Variants in SPTLC1 observed in about 807,000 individuals in gnomAD.
SPTLC1 encodes the protein serine palmitoyltransferase 1.
In SPTLC1, 55 loss-of-function variants were observed where a neutral mutation model predicts 68.9. The ratio of observed to expected loss-of-function variants is 0.80; its 90% confidence interval spans 0.64 to 1.00. The LOEUF is 1.00. SPTLC1 is among the 50% of genes least tolerant of loss of function. The pLI, the probability that SPTLC1 is intolerant of heterozygous loss-of-function variation, is 0.00. For missense variants in SPTLC1, 449 were observed against 573.1 expected, an observed-to-expected ratio of 0.78 and a Z score of 2.21; for synonymous variants, 197 against 201.6, an observed-to-expected ratio of 0.98 and a Z score of 0.19.
chr9:92,114,976 T>TGTGTA, intron 1 of SPTLC1: 2 of 418,060 alleles, frequency 4.8e-6, no homozygotes, highest in South Asian at 2.5e-5. Flanking sequence ...GGTGTTCCAC[T>TGTGTA]CATTTTCACC....
chr9:92,092,608 A>G (rs137860831), intron 3 of SPTLC1, among the ~76,000 whole-genome samples: 342 of 152,148 alleles, frequency 2.2e-3, no homozygotes, highest in African/African-American at 7.8e-3. Context: ...GGTGGCACAC[A>G]CCTGTAGTTC....
chr9:92,055,935 T>C (rs2118512750), intron 7 of SPTLC1, among the ~76,000 whole-genome samples: 1 of 152,286 alleles, frequency 6.6e-6, no homozygotes, highest in African/African-American at 2.4e-5. Flanking sequence ...AAAACAACTA[T>C]AATGAAGGTC....
intron 3 of SPTLC1, among the ~76,000 whole-genome samples, chr9:92,098,931 A>G (rs1468011369): frequency 6.6e-6 from 1 of 152,190 alleles, no homozygotes; most frequent in Admixed American, 6.5e-5. Flanking sequence ...TAACGTGTGA[A>G]CATTCTGAAT....
chr9:92,063,582 T>C (rs1486870160), intron 6 of SPTLC1, among the ~76,000 whole-genome samples: 4 of 152,068 alleles, frequency 2.6e-5, no homozygotes, highest in Non-Finnish European at 5.9e-5. Flanking sequence ...ATCTCCCTCA[T>C]GAACACAGAT....
At chr9:92,059,049 T>C in intron 7 of SPTLC1, 130 bp downstream of exon 7, 1 of 1,087,244 alleles carries the variant, frequency 9.2e-7, no homozygotes, top group Non-Finnish European at 1.3e-6. Context: ...GTACATTTAA[T>C]AAGCAGGAAC....
chr9:92,091,901 TG>T (rs1276800524), intron 3 of SPTLC1, among the ~76,000 whole-genome samples: 1 of 151,956 alleles, frequency 6.6e-6, no homozygotes, highest in Admixed American at 6.5e-5. Flanking sequence ...ATCAGACAAA[TG>T]GACTTTAAGG....
chr9:92,094,346 T>C (rs1010975860), intron 3 of SPTLC1, among the ~76,000 whole-genome samples: 11 of 152,258 alleles, frequency 7.2e-5, no homozygotes, highest in Admixed American at 2.0e-4. Context: ...TTTCTTGTCA[T>C]GTGCAGCTTT....
Position 92,052,531 on chromosome 9 carries a change from A to AT in SPTLC1, c.781-2465dup, listed in dbSNP as rs753353281. 4.5e-3 allele frequency among the ~76,000 whole-genome samples: 672 copies of AT among 150,810 alleles called. 2 individuals are homozygous for AT. The highest frequency in any genetic ancestry group is 0.021 in the Middle Eastern group (6 of 292). ...TTTGGATTAAACAAAGATTATTATTATTATTTTTTTTTTTTTGAGACAGAG... is the reference window on the plus strand; with the variant it reads ...TTTGGATTAAACAAAGATTATTATTATTTATTTTTTTTTTTTTGAGACAGAG... On this transcript the variant is annotated intron_variant, in intron 8 of 14. Coordinates refer to ENST00000262554, the MANE Select transcript of SPTLC1 (RefSeq NM_006415.4).
At chr9:92,036,504 T>G (rs1470614199) in intron 13 of SPTLC1, among the ~76,000 whole-genome samples, 4 of 152,258 alleles carry the variant, frequency 2.6e-5, no homozygotes, top group African/African-American at 7.2e-5. Flanking sequence ...TCCCTCAACA[T>G]GAAGCATGTG....
intron 5 of SPTLC1, among the ~76,000 whole-genome samples, chr9:92,068,493 G>T (rs576012448): frequency 5.3e-5 from 8 of 152,292 alleles, no homozygotes; most frequent in African/African-American, 1.9e-4. Context: ...TTAGCAAAAA[G>T]AACCCTGTAT....
At chr9:92,060,400 A>G (rs1450878827) in intron 6 of SPTLC1, among the ~76,000 whole-genome samples, 1 of 152,234 alleles carries the variant, frequency 6.6e-6, no homozygotes, top group Non-Finnish European at 1.5e-5. Context: ...TAGAGCAGCC[A>G]CGATAAAAAT....
At position 92,032,245 on chromosome 9, in the gene SPTLC1, T is replaced by TA. The variant is rs1403346059; in HGVS notation, c.*219dup. Reference sequence around the variant, plus strand: ...TATACACTGTCATTAGTTTTCCTCTTAAAAAAATCAGTTCCTGGGCTTTTA... The same window carrying TA: ...TATACACTGTCATTAGTTTTCCTCTTAAAAAAAATCAGTTCCTGGGCTTTTA... On this transcript the variant is annotated 3_prime_UTR_variant, in exon 15 of 15. Coordinates refer to ENST00000262554, the MANE Select transcript of SPTLC1 (RefSeq NM_006415.4). 13 of 1,510,020 alleles carry TA rather than the reference T, an allele frequency of 8.6e-6. No homozygotes were observed. In the South Asian group the frequency reaches 1.0e-4, roughly 12 times the overall value. 93.5% of individuals were successfully genotyped at this position (1,510,020 alleles called of 1,614,324 possible).
intron 3 of SPTLC1, among the ~76,000 whole-genome samples, chr9:92,090,611 C>CA (rs1371044085): frequency 5.5e-5 from 7 of 126,802 alleles, no homozygotes; most frequent in South Asian, 2.5e-4. Flanking sequence ...GACCCTGTCT[C>CA]AAAAAACAAA....
intron 8 of SPTLC1, among the ~76,000 whole-genome samples, chr9:92,052,521 G>GATT (rs202097590): frequency 4.0e-5 from 6 of 148,208 alleles, no homozygotes; most frequent in African/African-American, 1.6e-4. Flanking sequence ...ATTAAACAAA[G>GATT]ATTATTATTA....
rs189115942 is a variant in SPTLC1 at position 92,059,007 on chromosome 9, A to T, written c.690+172T>A. ...TATGTAATTACGGCAATGACAAGGC[A>T]ATTACAATCAGACTTGGCTCTCCAA... is the stretch of plus-strand genomic sequence containing the variant. On this transcript the variant is annotated intron_variant, in intron 7 of 14. Coordinates refer to ENST00000262554, the MANE Select transcript of SPTLC1 (RefSeq NM_006415.4). Among the ~76,000 whole-genome samples, 27 of 152,302 alleles carry T rather than the reference A, an allele frequency of 1.8e-4. No homozygotes were observed. The East Asian group carries it at 4.8e-3, about 27-fold the overall frequency.
chr9:92,044,647 G>A (rs1266718420), intron 12 of SPTLC1, among the ~76,000 whole-genome samples: 1 of 152,172 alleles, frequency 6.6e-6, no homozygotes, highest in African/African-American at 2.4e-5. Context: ...ACACAAGAAA[G>A]GGGACAGGCT....
chr9:92,108,997 G>C (rs536146649), intron 2 of SPTLC1, 163 bp from the exon 3 acceptor site: 83 of 1,105,964 alleles, frequency 7.5e-5, no homozygotes, highest in Non-Finnish European at 8.7e-5. Flanking sequence ...GTACGTCTTT[G>C]TTCGCATAAT....
rs1159697748 is a variant in SPTLC1 at position 92,031,586 on chromosome 9, A to T, written c.*879T>A. ...TTCTCTTTTTCCTTGGCTTAGTAAA[A>T]GCCTGTAGTTACACGTCCCTAGGCA... is the stretch of plus-strand genomic sequence containing the variant. On this transcript the variant is annotated 3_prime_UTR_variant, in exon 15 of 15. Transcript: ENST00000262554. 1 of 152,278 alleles carries T rather than the reference A, an allele frequency of 6.6e-6. No individual in the cohort carries two copies. The highest frequency in any genetic ancestry group is 1.9e-4 in the East Asian group (1 of 5,208). The allele number at this position is 152,278 out of a possible 1,614,324, so 9.4% of individuals were successfully genotyped here. A position where few individuals can be genotyped will look rare whatever the true frequency, so the allele number is the denominator to read the frequency against.
intron 3 of SPTLC1, among the ~76,000 whole-genome samples, chr9:92,100,394 C>G (rs1835703992): frequency 6.6e-6 from 1 of 152,188 alleles, no homozygotes; most frequent in South Asian, 2.1e-4. Context: ...TCCTTCCATC[C>G]CAGGGGCTAC....
Sources: allele counts gnomAD v4.1 joint callset (sites outside exome capture counted in the v4.1 genomes callset), GRCh38; gene constraint gnomAD v4.1.1; transcripts MANE v1.5; gene names NCBI Gene and HGNC (gene_info 2026-07-23, HGNC 2026-07-21).